Variants in PTPRG observed in about 807,000 individuals in gnomAD.
The protein encoded by PTPRG is receptor-type tyrosine-protein phosphatase gamma.
Under a neutral mutation model 165.3 loss-of-function variants are expected in PTPRG, and 102 were observed. The ratio of observed to expected loss-of-function variants is 0.62; its 90% CI spans 0.53 to 0.73. PTPRG has a LOEUF of 0.73. PTPRG is among the 30% of genes least tolerant of loss of function. The pLI, the probability that PTPRG is intolerant of heterozygous loss-of-function variation, is 0.00. For synonymous variants in PTPRG, 675 were observed against 669.5 expected, an observed-to-expected ratio of 1.01 and a Z score of -0.13; for missense variants, 1,866 against 1,861.4, an observed-to-expected ratio of 1.00 and a Z score of -0.05.
At chr3:61,831,585 T>A (rs1369696874) in intron 2 of PTPRG, among the ~76,000 whole-genome samples, 1 of 142,934 alleles carries the variant, frequency 7.0e-6, no homozygotes, top group Non-Finnish European at 1.6e-5. Context: ...GAGGACAGCA[T>A]CCATCTGGTA....
At chr3:61,657,337 T>G (rs1702534870) in intron 1 of PTPRG, among the ~76,000 whole-genome samples, 1 of 152,098 alleles carries the variant, frequency 6.6e-6, no homozygotes, top group Non-Finnish European at 1.5e-5. Flanking sequence ...ATAACCAGTT[T>G]CAGGGGGAGA....
intron 1 of PTPRG, among the ~76,000 whole-genome samples, chr3:61,609,564 A>G (rs1225488287): frequency 6.6e-6 from 1 of 152,224 alleles, no homozygotes; most frequent in African/African-American, 2.4e-5. Context: ...TTTTTTTAAA[A>G]TAAGAAATAA....
In PTPRG at chr3:62,275,976, T is replaced by C. The variant is rs748981409; in HGVS notation, c.3559+10T>C. ...TCTTCAGTTGTGCCATGTAAGACTT[T>C]AAAACAGTTTGTTAGTGATCTTTTA... On this transcript the variant is annotated intron_variant, in intron 24 of 29. Coordinates refer to ENST00000474889, the MANE Select transcript of PTPRG (RefSeq NM_002841.4). 64 of 1,581,226 alleles carry C rather than the reference T, an allele frequency of 4.0e-5. 1 individual carries two copies. The South Asian group carries it at 6.9e-4, about 17-fold the overall frequency.
Position 61,829,982 on chromosome 3 carries a change from C to T in PTPRG, c.190+81000C>T, listed in dbSNP as rs1254720499. ...TGCTGTGATGTTCTTGTATCCTCCA[C>T]ATGGTGGATAGCTCACAGAAAAGAA... On this transcript the variant is annotated intron_variant, in intron 2 of 29. Transcript: ENST00000474889. 3.3e-5 allele frequency among the ~76,000 whole-genome samples: 5 copies of T among 152,328 alleles called. No homozygotes were observed. In the East Asian group the frequency reaches 9.6e-4, roughly 29 times the overall value.
At chr3:62,221,915 T>A (rs1174752274) in intron 13 of PTPRG, among the ~76,000 whole-genome samples, 1 of 152,252 alleles carries the variant, frequency 6.6e-6, no homozygotes, top group Non-Finnish European at 1.5e-5. Context: ...TACAGTGGTG[T>A]TAGTGCTAAT....
chr3:62,108,046 CTT>C (rs35573206), intron 5 of PTPRG, among the ~76,000 whole-genome samples: 1 of 145,880 alleles, frequency 6.9e-6, no homozygotes. Context: ...CTCTCTCGCT[CTT>C]TTTTTTTTTT....
At chr3:62,126,366 A>G (rs938366839) in intron 5 of PTPRG, among the ~76,000 whole-genome samples, 8 of 152,226 alleles carry the variant, frequency 5.3e-5, no homozygotes, top group African/African-American at 1.9e-4. Context: ...CTGTGAATTA[A>G]CTAGTTTCCA....
intron 2 of PTPRG, among the ~76,000 whole-genome samples, chr3:61,973,158 C>T (rs1023606911): frequency 3.3e-5 from 5 of 152,314 alleles, no homozygotes; most frequent in Admixed American, 6.5e-5. Context: ...ATGCTTCATC[C>T]TTTGTCCAGC....
intron 1 of PTPRG, among the ~76,000 whole-genome samples, chr3:61,657,468 C>T (rs905039155): frequency 1.3e-5 from 2 of 152,020 alleles, no homozygotes; most frequent in Non-Finnish European, 2.9e-5. Context: ...GCCCCCGTCT[C>T]TACACAAAAT....
chr3:61,957,431 G>A (rs570300502), intron 2 of PTPRG, among the ~76,000 whole-genome samples: 63 of 152,336 alleles, frequency 4.1e-4, no homozygotes, highest in Admixed American at 1.5e-3. Context: ...TGCCTGTGCA[G>A]TTCTAGGTGA....
chr3:62,268,378 C>T (rs980995334), intron 19 of PTPRG, among the ~76,000 whole-genome samples: 2 of 151,986 alleles, frequency 1.3e-5, no homozygotes, highest in Non-Finnish European at 1.5e-5. Context: ...GGAATAAAAG[C>T]TACACTTCAA....
intron 16 of PTPRG, among the ~76,000 whole-genome samples, chr3:62,257,762 C>T (rs1402052378): frequency 6.6e-6 from 1 of 152,084 alleles, no homozygotes; most frequent in African/African-American, 2.4e-5. Context: ...CCCAACCAGC[C>T]TGGACAACAC....
intron 6 of PTPRG, among the ~76,000 whole-genome samples, chr3:62,156,078 A>G (rs989961573): frequency 6.6e-6 from 1 of 152,248 alleles, no homozygotes; most frequent in Non-Finnish European, 1.5e-5. Flanking sequence ...TTTACTGGGC[A>G]TGCTTGGAAG....
intron 1 of PTPRG, among the ~76,000 whole-genome samples, chr3:61,602,238 C>G (rs6782816): frequency 0.019 from 2,828 of 151,976 alleles, 81 homozygotes; most frequent in African/African-American, 0.065. Flanking sequence ...CTGTACCTGT[C>G]TTGCTCACTT....
chr3:62,042,861 G>A (rs1181292806), intron 4 of PTPRG, among the ~76,000 whole-genome samples: 1 of 152,136 alleles, frequency 6.6e-6, no homozygotes, highest in Non-Finnish European at 1.5e-5. Context: ...TTGAATTCAT[G>A]TCATGTTTGT....
intron 1 of PTPRG, among the ~76,000 whole-genome samples, chr3:61,615,140 G>A (rs1190184720): frequency 2.6e-5 from 4 of 152,224 alleles, no homozygotes; most frequent in African/African-American, 9.6e-5. Flanking sequence ...GAACAGTCGT[G>A]TATCACAATA....
At chr3:61,697,088 C>G (rs1232978951) in intron 1 of PTPRG, among the ~76,000 whole-genome samples, 1 of 152,136 alleles carries the variant, frequency 6.6e-6, no homozygotes. Context: ...CCTTCCCTGA[C>G]CCTTCTCCCC....
At chr3:61,885,687 CTCTCCTCTCCTCTCT>C in intron 2 of PTPRG, among the ~76,000 whole-genome samples, 2 of 116,000 alleles carry the variant, frequency 1.7e-5, no homozygotes, top group East Asian at 2.6e-4. Context: ...CTCTCCTCTC[CTCTCCTCTCCTCTCT>C]CGACAGGGTC....
intron 10 of PTPRG, among the ~76,000 whole-genome samples, chr3:62,197,468 G>A (rs1251823131): frequency 6.6e-6 from 1 of 152,188 alleles, no homozygotes; most frequent in African/African-American, 2.4e-5. Context: ...GAGCATAGCT[G>A]CATTTTTTTC....
Sources: gnomAD v4.1 joint callset for allele counts (sites outside exome capture counted in the v4.1 genomes callset) on GRCh38, gnomAD v4.1.1 for gene constraint, MANE v1.5 for transcripts, NCBI Gene and HGNC (gene_info 2026-07-23, HGNC 2026-07-21) for gene names.